Variants in DRC8 observed in about 807,000 individuals in gnomAD.
The protein encoded by DRC8 is dynein regulatory complex subunit 8, also known as dynein regulatory complex protein 8.
At chr1:245,036,969 A>T in the DRC8 span, among the ~76,000 whole-genome samples, 1 of 152,256 alleles carries the variant, frequency 6.6e-6, no homozygotes, top group Non-Finnish European at 1.5e-5. Context: ...TAAAAAATCA[A>T]TTGATGAAAA....
the DRC8 span, among the ~76,000 whole-genome samples, chr1:245,033,096 G>A: frequency 2.6e-5 from 4 of 152,194 alleles, no homozygotes; most frequent in Admixed American, 6.5e-5. Context: ...GCTTCAGAGC[G>A]GCCTCACAGC....
chr1:245,009,644 C>G, the DRC8 span, among the ~76,000 whole-genome samples: 2 of 150,548 alleles, frequency 1.3e-5, no homozygotes, highest in African/African-American at 4.9e-5. Flanking sequence ...ATTTTTTGTA[C>G]ATTTAGTAGA....
the DRC8 span, among the ~76,000 whole-genome samples, chr1:244,990,828 A>AGTT: frequency 4.7e-5 from 7 of 147,476 alleles, 1 homozygote; most frequent in African/African-American, 7.4e-5. Context: ...TTTTTTTTGT[A>AGTT]CTTCTACTAC....
At chr1:245,044,283 A>G in the DRC8 span, among the ~76,000 whole-genome samples, 5 of 152,324 alleles carry the variant, frequency 3.3e-5, no homozygotes, top group African/African-American at 1.2e-4. Flanking sequence ...ATCTTGGAAC[A>G]ATGGAAATAA....
At chr1:244,976,135 G>A in the DRC8 span, among the ~76,000 whole-genome samples, 1 of 151,914 alleles carries the variant, frequency 6.6e-6, no homozygotes, top group African/African-American at 2.4e-5. Context: ...TGGGTGTGGT[G>A]GTGGTTGCCT....
the DRC8 span, among the ~76,000 whole-genome samples, chr1:245,051,570 G>A: frequency 6.6e-6 from 1 of 152,154 alleles, no homozygotes. Flanking sequence ...CCGATGGCAG[G>A]ATTCTGCAGC....
chr1:244,979,461 A>G, the DRC8 span, among the ~76,000 whole-genome samples: 3 of 151,850 alleles, frequency 2.0e-5, no homozygotes, highest in African/African-American at 4.8e-5. Flanking sequence ...ATGTGCCACC[A>G]TGCTGGGCTC....
the DRC8 span, among the ~76,000 whole-genome samples, chr1:245,095,506 G>C: frequency 1.3e-5 from 2 of 152,158 alleles, no homozygotes; most frequent in African/African-American, 4.8e-5. Flanking sequence ...TGACTGGATA[G>C]TATCTTATTG....
At chr1:245,121,873 A>T in the DRC8 span, 3 of 420,420 alleles carry the variant, frequency 7.1e-6, no homozygotes, top group African/African-American at 6.4e-5. Context: ...TTGCTTTCTT[A>T]ATTATTTTTC....
the DRC8 span, among the ~76,000 whole-genome samples, chr1:245,065,492 C>T: frequency 2.7e-3 from 404 of 152,000 alleles, 1 homozygote; most frequent in African/African-American, 9.3e-3. Context: ...TGTTTTTGTT[C>T]TTTGAATGTT....
chr1:245,084,755 G>A, the DRC8 span, among the ~76,000 whole-genome samples: 143 of 152,236 alleles, frequency 9.4e-4, 1 homozygote, highest in Middle Eastern at 0.01. Context: ...AATGAAAAGC[G>A]CAAGTGATTT....
the DRC8 span, among the ~76,000 whole-genome samples, chr1:245,060,124 G>A: frequency 1.3e-5 from 2 of 152,214 alleles, no homozygotes; most frequent in Non-Finnish European, 1.5e-5. Flanking sequence ...TTTTAGTGGA[G>A]TCTGGGGATG....
At chr1:245,025,873 A>C in the DRC8 span, among the ~76,000 whole-genome samples, 10 of 152,306 alleles carry the variant, frequency 6.6e-5, no homozygotes, top group South Asian at 2.1e-4. Context: ...TCCTGCCGCC[A>C]TGTAAGATGT....
the DRC8 span, among the ~76,000 whole-genome samples, chr1:245,080,259 A>G: frequency 2.0e-5 from 3 of 152,172 alleles, no homozygotes; most frequent in Non-Finnish European, 1.5e-5. Flanking sequence ...CTCCTTATAG[A>G]TAGCCCGACA....
the DRC8 span, among the ~76,000 whole-genome samples, chr1:244,996,572 T>A: frequency 2.0e-5 from 3 of 152,110 alleles, no homozygotes; most frequent in African/African-American, 7.2e-5. Flanking sequence ...CTGTCACATG[T>A]TGTTGATTTG....
At chr1:245,110,212 A>G in the DRC8 span, among the ~76,000 whole-genome samples, 1 of 152,040 alleles carries the variant, frequency 6.6e-6, no homozygotes, top group South Asian at 2.1e-4. Context: ...GTGAAACCTC[A>G]TCTCTATTAA....
At chr1:244,970,674 G>GCCCCGCCTCTCTCCCCCGCCCCT in the DRC8 span, 1 of 364,518 alleles carries the variant, frequency 2.7e-6, no homozygotes, top group Non-Finnish European at 4.4e-6. Flanking sequence ...CCCCCGCCCC[G>GCCCCGCCTCTCTCCCCCGCCCCT]CCCCGCCTCT....
the DRC8 span, among the ~76,000 whole-genome samples, chr1:245,029,686 C>G: frequency 7.3e-5 from 11 of 151,296 alleles, no homozygotes; most frequent in Admixed American, 7.3e-4. Context: ...ACCTTCATCT[C>G]CTGGGTTCAA....
chr1:245,086,971 G>A, the DRC8 span: 5 of 543,772 alleles, frequency 9.2e-6, no homozygotes, highest in Non-Finnish European at 1.4e-5. Flanking sequence ...ATGTCTGTAT[G>A]TCTTCCTACT....
Sources: allele counts gnomAD v4.1 joint callset (sites outside exome capture counted in the v4.1 genomes callset), GRCh38; gene constraint gnomAD v4.1.1; transcripts MANE v1.5; gene names NCBI Gene and HGNC (gene_info 2026-07-23, HGNC 2026-07-21).